The following GSG1L variants were observed in gnomAD, a reference collection of about 807,000 sequenced individuals.
The protein encoded by GSG1L is GSG1 like, also known as germ cell-specific gene 1-like protein.
Under a neutral mutation model 42.1 loss-of-function variants are expected in GSG1L, and 24 were observed. The ratio of observed to expected loss-of-function variants is 0.57; its 90% CI spans 0.41 to 0.80. GSG1L has a LOEUF of 0.80. Ranked by LOEUF, GSG1L falls within the 30% of genes least tolerant of loss-of-function variation. The pLI, the probability that GSG1L is intolerant of heterozygous loss-of-function variation, is 0.00. For missense variants in GSG1L, 445 were observed against 472.2 expected (o/e 0.94, Z 0.53); for synonymous variants, 215 against 203.5 (o/e 1.06, Z -0.48).
At chr16:27,840,820 G>A (rs2083372561) in intron 4 of GSG1L, among the ~76,000 whole-genome samples, 1 of 152,148 alleles carries the variant, frequency 6.6e-6, no homozygotes, top group Admixed American at 6.5e-5. Flanking sequence ...CCTCCAGGCT[G>A]TGTGAAGCCC....
At chr16:27,956,542 T>C (rs895571181) in intron 2 of GSG1L, among the ~76,000 whole-genome samples, 1 of 152,186 alleles carries the variant, frequency 6.6e-6, no homozygotes, top group Non-Finnish European at 1.5e-5. Flanking sequence ...TCTTGCCCCA[T>C]TGATGTTGGA....
At chr16:27,792,526 T>C (rs890356812) in intron 6 of GSG1L, among the ~76,000 whole-genome samples, 1 of 152,220 alleles carries the variant, frequency 6.6e-6, no homozygotes, top group Non-Finnish European at 1.5e-5. Flanking sequence ...CATCTCATGC[T>C]GTGGCCTAAA....
chr16:27,985,432 C>G (rs552527744), intron 1 of GSG1L, among the ~76,000 whole-genome samples: 54 of 152,196 alleles, frequency 3.5e-4, no homozygotes, highest in Non-Finnish European at 6.0e-4. Context: ...CTGCCTTCCC[C>G]TTCACCATCC....
At chr16:28,011,428 C>T (rs1003468995) in intron 1 of GSG1L, among the ~76,000 whole-genome samples, 46 of 152,166 alleles carry the variant, frequency 3.0e-4, no homozygotes, top group African/African-American at 1.1e-3. Flanking sequence ...ACTGCCTCGG[C>T]GGTCAGGGAC....
At chr16:27,872,533 C>T (rs2083834841) in intron 3 of GSG1L, among the ~76,000 whole-genome samples, 1 of 152,102 alleles carries the variant, frequency 6.6e-6, no homozygotes, top group Admixed American at 6.5e-5. Context: ...GAGGCTGAGA[C>T]CTACTGGGCT....
At chr16:27,829,130 G>C (rs539996667) in intron 4 of GSG1L, among the ~76,000 whole-genome samples, 174 bp from the exon 5 acceptor site, 15 of 152,300 alleles carry the variant, frequency 9.8e-5, no homozygotes, top group African/African-American at 3.6e-4. Flanking sequence ...CGCAGTCTGG[G>C]AGACAGAGAA....
intron 2 of GSG1L, among the ~76,000 whole-genome samples, chr16:27,908,580 G>A (rs919164959): frequency 1.3e-5 from 2 of 152,152 alleles, no homozygotes; most frequent in African/African-American, 2.4e-5. Context: ...TGGAGGCTGG[G>A]AAATCCAAGA....
intron 4 of GSG1L, among the ~76,000 whole-genome samples, chr16:27,830,155 GT>G (rs774488044): frequency 2.0e-5 from 3 of 152,242 alleles, no homozygotes; most frequent in Admixed American, 1.3e-4. Context: ...TGCATTCAAC[GT>G]TTAGTACCAG....
At chr16:28,039,511 C>G (rs988226336) in intron 1 of GSG1L, among the ~76,000 whole-genome samples, 1 of 152,090 alleles carries the variant, frequency 6.6e-6, no homozygotes, top group Non-Finnish European at 1.5e-5. Context: ...AATCCCTCAG[C>G]AGAACACATC....
At chr16:27,890,277 A>G (rs1246065414) in intron 2 of GSG1L, among the ~76,000 whole-genome samples, 2 of 152,218 alleles carry the variant, frequency 1.3e-5, no homozygotes, top group Non-Finnish European at 2.9e-5. Context: ...CCAGCCAGCC[A>G]CCAGGCATGA....
At chr16:27,896,662 T>C (rs1011529116) in intron 2 of GSG1L, among the ~76,000 whole-genome samples, 6 of 152,116 alleles carry the variant, frequency 3.9e-5, no homozygotes, top group Non-Finnish European at 8.8e-5. Context: ...CCCAGTGTAA[T>C]CACAAGGGTC....
chr16:28,030,438 C>G (rs947154702), intron 1 of GSG1L, among the ~76,000 whole-genome samples: 1 of 152,002 alleles, frequency 6.6e-6, no homozygotes, highest in Admixed American at 6.6e-5. Context: ...GAGAGTGAAA[C>G]CAACAAAGGA....
At chr16:27,867,684 T>G (rs926539181) in intron 3 of GSG1L, among the ~76,000 whole-genome samples, 2 of 152,210 alleles carry the variant, frequency 1.3e-5, no homozygotes, top group Non-Finnish European at 2.9e-5. Flanking sequence ...GGGAGCTGGA[T>G]CCTATGCCTG....
At chr16:27,940,414 T>G (rs1448669527) in intron 2 of GSG1L, among the ~76,000 whole-genome samples, 1 of 144,822 alleles carries the variant, frequency 6.9e-6, no homozygotes, top group Admixed American at 7.0e-5. Context: ...GTATGTTTAT[T>G]GCGGCACTAT....
chr16:27,859,255 A>C (rs2083614588), intron 3 of GSG1L, among the ~76,000 whole-genome samples: 1 of 152,130 alleles, frequency 6.6e-6, no homozygotes, highest in South Asian at 2.1e-4. Flanking sequence ...GACACTTCCC[A>C]TGATAGTGTC....
intron 1 of GSG1L, among the ~76,000 whole-genome samples, chr16:27,967,745 T>C (rs1316081738): frequency 6.6e-6 from 1 of 152,140 alleles, no homozygotes; most frequent in East Asian, 1.9e-4. Context: ...AAACCCCATC[T>C]CTGATAAAAA....
chr16:27,839,271 A>G (rs1417800776), intron 4 of GSG1L, among the ~76,000 whole-genome samples: 1 of 152,098 alleles, frequency 6.6e-6, no homozygotes, highest in Non-Finnish European at 1.5e-5. Context: ...CCAACTTGCT[A>G]CTCTCTTGCT....
chr16:28,052,872 T>G (rs2086235215), intron 1 of GSG1L, among the ~76,000 whole-genome samples: 1 of 152,238 alleles, frequency 6.6e-6, no homozygotes, highest in South Asian at 2.1e-4. Context: ...CAGTGACTCG[T>G]GTCCAAGTCT....
At chr16:27,871,203 G>A (rs1567497337) in intron 3 of GSG1L, among the ~76,000 whole-genome samples, 1 of 152,154 alleles carries the variant, frequency 6.6e-6, no homozygotes, top group African/African-American at 2.4e-5. Flanking sequence ...CCACTGACAT[G>A]TAGCAGGTGG....
Sources: allele counts gnomAD v4.1 joint callset (sites outside exome capture counted in the v4.1 genomes callset), GRCh38; gene constraint gnomAD v4.1.1; transcripts MANE v1.5; gene names NCBI Gene and HGNC (gene_info 2026-07-23, HGNC 2026-07-21).